The following SYNGR1 variants were observed in gnomAD, a reference collection of about 807,000 sequenced individuals.
SYNGR1 encodes the protein synaptogyrin-1.
A neutral mutation model predicts 26.1 loss-of-function variants in SYNGR1; 14 were observed. The ratio of observed to expected loss-of-function variants is 0.54; its 90% CI spans 0.35 to 0.84. The LOEUF (loss-of-function observed/expected upper bound fraction) is 0.84, where lower values mean the gene tolerates loss of function less well. Among genes scored for constraint, SYNGR1 ranks in the 40% least tolerant of loss-of-function variants. The pLI is 0.01. For synonymous variants in SYNGR1, 141 were observed against 150.1 expected, an observed-to-expected ratio of 0.94 and a Z score of 0.44; for missense variants, 319 against 332.9, an observed-to-expected ratio of 0.96 and a Z score of 0.33.
At chr22:39,381,591 G>T in intron 3 of SYNGR1, 105 bp from the exon 4 acceptor site, 1 of 1,162,894 alleles carries the variant, frequency 8.6e-7, no homozygotes, top group Non-Finnish European at 1.3e-6. Context: ...ACCCTCTCCT[G>T]CCTGTGTCCT....
At chr22:39,377,879 G>GCGTT (rs1925359125) in intron 3 of SYNGR1, 1 of 1,471,186 alleles carries the variant, frequency 6.8e-7, no homozygotes, top group Non-Finnish European at 9.0e-7. Flanking sequence ...GATTCTTCAT[G>GCGTT]CGTTCATTCA....
At chr22:39,376,975 G>A (rs1335109337) in intron 3 of SYNGR1, 2 of 1,550,404 alleles carry the variant, frequency 1.3e-6, no homozygotes, top group Non-Finnish European at 1.7e-6. Context: ...CACTGGTCTG[G>A]GTCATGTCTG....
intron 2 of SYNGR1, chr22:39,375,841 C>A: frequency 1.5e-6 from 1 of 680,260 alleles, no homozygotes; most frequent in Non-Finnish European, 2.7e-6. Flanking sequence ...CTCCCCCCTG[C>A]ATCTGGCTGG....
At position 39,370,596 on chromosome 22, in the gene SYNGR1, A is replaced by G. The variant is rs1924972488; in HGVS notation, c.100-3720A>G. Among the ~76,000 whole-genome samples the G allele has an allele frequency of 2.0e-5, 3 of 150,736 alleles. No individual in the cohort carries two copies. In the South Asian group the frequency reaches 6.3e-4, roughly 32 times the overall value. Reference sequence around the variant, plus strand: ...TTTAGGTCAGAATCCCCCTTAACACACAACATCCTAACCCAGAGGTCTCTA... The same window carrying G: ...TTTAGGTCAGAATCCCCCTTAACACGCAACATCCTAACCCAGAGGTCTCTA... On this transcript the variant is annotated intron_variant, in intron 1 of 3. Coordinates refer to ENST00000328933, the MANE Select transcript of SYNGR1 (RefSeq NM_004711.5).
Position 39,385,295 on chromosome 22 carries a change from G to A in SYNGR1, c.*3381G>A, listed in dbSNP as rs139270817. On this transcript the variant is annotated 3_prime_UTR_variant, in exon 4 of 4. Coordinates refer to ENST00000328933, the MANE Select transcript of SYNGR1 (RefSeq NM_004711.5). ...TCGGTGCCCCGGCCCCTCCCGCAGC[G>A]TTACTGCCTGTGTATAGTATAAATA... The A allele has an allele frequency of 1.9e-3, 572 of 294,676 alleles. 2 individuals are homozygous for A. Among genetic ancestry groups the A allele is most frequent in the Non-Finnish European group, 3.1e-3 (499 of 161,288 alleles). The allele number at this position is 294,676 out of a possible 1,614,324, so 18.3% of individuals were successfully genotyped here.
chr22:39,356,071 G>T (rs1924129703), intron 1 of SYNGR1, among the ~76,000 whole-genome samples: 4 of 152,066 alleles, frequency 2.6e-5, no homozygotes, highest in Non-Finnish European at 5.9e-5. Context: ...AGTTATTTTT[G>T]TTTGTTTGTT....
chr22:39,370,174 C>G (rs116345265), intron 1 of SYNGR1, among the ~76,000 whole-genome samples: 4,072 of 152,108 alleles, frequency 0.027, 133 homozygotes, highest in African/African-American at 0.072. Flanking sequence ...CTCTGTCGCC[C>G]AGGCTGGAGT....
chr22:39,370,170 C>T (rs1215710499), intron 1 of SYNGR1, among the ~76,000 whole-genome samples: 2 of 151,930 alleles, frequency 1.3e-5, no homozygotes, highest in African/African-American at 4.8e-5. Context: ...GGATCTCTGT[C>T]GCCCAGGCTG....
At chr22:39,352,266 A>C (rs1449232519) in intron 1 of SYNGR1, among the ~76,000 whole-genome samples, 2 of 152,220 alleles carry the variant, frequency 1.3e-5, no homozygotes, top group Non-Finnish European at 2.9e-5. Context: ...ACACACGTGG[A>C]TACAAGGCGC....
chr22:39,385,266 C>T lies in SYNGR1; in HGVS notation c.*3352C>T, dbSNP rs528222516. ...TCCCCATGTCCTGGTGCGCACAGCC[C>T]TTGTCGGTGCCCCGGCCCCTCCCGC... On this transcript the variant is annotated 3_prime_UTR_variant, in exon 4 of 4. Transcript: ENST00000328933. 2.8e-6 allele frequency: 1 copy of T among 351,012 alleles called. No individual in the cohort carries two copies. Among genetic ancestry groups the T allele is most frequent in the South Asian group, 1.5e-4 (1 of 6,622 alleles). 21.7% of individuals were successfully genotyped at this position (351,012 alleles called of 1,614,324 possible). A position where few individuals can be genotyped will look rare whatever the true frequency, so the allele number is the denominator to read the frequency against.
At chr22:39,359,077 T>A (rs1924329619) in intron 1 of SYNGR1, among the ~76,000 whole-genome samples, 1 of 152,210 alleles carries the variant, frequency 6.6e-6, no homozygotes, top group South Asian at 2.1e-4. Flanking sequence ...TCCCAGAATG[T>A]CCCTGACACC....
chr22:39,361,090 A>G lies in SYNGR1; in HGVS notation c.99+10981A>G, dbSNP rs112713749. ...TCACCTCCCTGTGAAGCCTTCCTGG[A>G]TTCTCCCAAGCTTGCGCTCCCCTCC... On this transcript the variant is annotated intron_variant, in intron 1 of 3. Transcript: ENST00000328933. 2.2e-3 allele frequency among the ~76,000 whole-genome samples: 333 copies of G among 152,254 alleles called. 2 individuals carry two copies. The highest frequency in any genetic ancestry group is 7.7e-3 in the African/African-American group (322 of 41,550).
intron 1 of SYNGR1, chr22:39,364,063 G>C (rs543843627): frequency 2.1e-5 from 31 of 1,492,582 alleles, no homozygotes; most frequent in Middle Eastern, 2.4e-4. Context: ...ACGCCCTGCA[G>C]TGGGTCCTAG....
chr22:39,362,014 C>CGTT (rs750914643), intron 1 of SYNGR1, among the ~76,000 whole-genome samples: 12 of 82,654 alleles, frequency 1.5e-4, no homozygotes, highest in African/African-American at 1.2e-3. Flanking sequence ...TCCTTTCTCT[C>CGTT]CTTTTTTTTT....
intron 1 of SYNGR1, among the ~76,000 whole-genome samples, chr22:39,359,473 AC>A: frequency 6.8e-6 from 1 of 148,012 alleles, no homozygotes; most frequent in Admixed American, 6.8e-5. Context: ...AAAAAAAAAT[AC>A]AAAAAAATTA....
intron 1 of SYNGR1, among the ~76,000 whole-genome samples, chr22:39,358,424 G>A (rs1262218914): frequency 1.3e-5 from 2 of 152,168 alleles, no homozygotes; most frequent in African/African-American, 4.8e-5. Context: ...TTGTTCGTCT[G>A]CTCGTTGCGA....
chr22:39,370,362 C>T (rs1924962876), intron 1 of SYNGR1, among the ~76,000 whole-genome samples: 1 of 152,054 alleles, frequency 6.6e-6, no homozygotes, highest in African/African-American at 2.4e-5. Context: ...AATCTCCTGA[C>T]CTCATGATCC....
rs1357990713 is a variant in SYNGR1, at chr22:39,350,664, CTCTCCTTCTCTGCGTGA to C, written c.99+556_99+572del. Among the ~76,000 whole-genome samples the C allele has an allele frequency of 6.6e-6, 1 of 152,190 alleles. No homozygotes were observed. Among genetic ancestry groups the C allele is most frequent in the East Asian group, 1.9e-4 (1 of 5,192 alleles). On this transcript the variant is annotated intron_variant, in intron 1 of 3. Coordinates refer to ENST00000328933, the MANE Select transcript of SYNGR1 (RefSeq NM_004711.5). The surrounding 1 kb of genome is among the most constrained non-coding windows in gnomAD (Gnocchi z 4.3). ...TACCTCTCTTCCACCCGGGAACTGC[CTCTCCTTCTCTGCGTGA>C]CCTTGGGCTGGGAGCCACCCAGGAA...
intron 3 of SYNGR1, 48 bp downstream of exon 3, chr22:39,376,245 C>T: frequency 6.2e-7 from 1 of 1,613,394 alleles, no homozygotes; most frequent in Non-Finnish European, 8.5e-7. Context: ...CCTTTCCCCA[C>T]TGAGCCCCTG....
Sources: allele counts gnomAD v4.1 joint callset (sites outside exome capture counted in the v4.1 genomes callset), GRCh38; gene constraint gnomAD v4.1.1; non-coding constraint Gnocchi (gnomAD v3.1); transcripts MANE v1.5; gene names NCBI Gene and HGNC (gene_info 2026-07-23, HGNC 2026-07-21).